DPP10: variants seen among roughly 807,000 people sequenced by gnomAD.
The protein encoded by DPP10 is dipeptidyl peptidase like 10.
Under a neutral mutation model 120.9 loss-of-function variants are expected in DPP10, and 33 were observed. That is an observed-to-expected ratio of 0.27 (90% CI 0.21 to 0.37). DPP10 has a LOEUF of 0.37. Ranked by LOEUF, DPP10 falls within the 10% of genes least tolerant of loss-of-function variation. DPP10 has a pLI of 1.00. For synonymous variants in DPP10, 337 were observed against 326.1 expected (o/e 1.03, Z -0.36); for missense variants, 816 against 942.8 (o/e 0.87, Z 1.76).
chr2:115,565,135 G>C (rs1008775861), intron 5 of DPP10, among the ~76,000 whole-genome samples: 3 of 152,094 alleles, frequency 2.0e-5, no homozygotes, highest in African/African-American at 4.8e-5. Flanking sequence ...AGCTTTGTGC[G>C]TAAGTATGTG....
chr2:115,493,708 G>A (rs2076246423), intron 3 of DPP10, among the ~76,000 whole-genome samples: 1 of 152,128 alleles, frequency 6.6e-6, no homozygotes, highest in Admixed American at 6.6e-5. Flanking sequence ...GAGTTAGGTG[G>A]ATATTAAACA....
rs1192923038 is a variant in DPP10, at chr2:115,256,157, C to G, written c.61-53082C>G. Reference sequence around the variant, plus strand: ...GGCTGGGGAGGCCTCAGGAAACTTACAATCATGATGGAAGGGGAAGCAAAC... The same window carrying G: ...GGCTGGGGAGGCCTCAGGAAACTTAGAATCATGATGGAAGGGGAAGCAAAC... On this transcript the variant is annotated intron_variant, in intron 1 of 25. Coordinates refer to ENST00000410059, the MANE Select transcript of DPP10 (RefSeq NM_020868.6). Among the ~76,000 whole-genome samples the G allele has an allele frequency of 1.3e-5, 2 of 152,222 alleles. 1 individual carries two copies. The highest frequency in any genetic ancestry group is 4.1e-4 in the South Asian group (2 of 4,828).
At chr2:115,333,174 G>A (rs1021168516) in intron 2 of DPP10, among the ~76,000 whole-genome samples, 4 of 152,050 alleles carry the variant, frequency 2.6e-5, no homozygotes, top group Non-Finnish European at 5.9e-5. Context: ...TTACCATTAC[G>A]TAATGGCCTT....
At chr2:115,089,380 G>A (rs1448071222) in intron 1 of DPP10, among the ~76,000 whole-genome samples, 1 of 152,040 alleles carries the variant, frequency 6.6e-6, no homozygotes, top group African/African-American at 2.4e-5. Context: ...ATTTCCAACT[G>A]CAAAATGTCC....
intron 5 of DPP10, among the ~76,000 whole-genome samples, chr2:115,537,619 C>A (rs112303555): frequency 7.5e-6 from 1 of 133,634 alleles, no homozygotes; most frequent in East Asian, 2.4e-4. Context: ...AAAAAACATA[C>A]TTTGGGCAGT....
At chr2:114,878,323 A>G (rs1691320305) in intron 1 of DPP10, among the ~76,000 whole-genome samples, 1 of 152,106 alleles carries the variant, frequency 6.6e-6, no homozygotes, top group Admixed American at 6.6e-5. Flanking sequence ...ATAACTGTAC[A>G]TAGTTATGGG....
At chr2:114,446,150 C>G (rs979086685) in intron 1 of DPP10, among the ~76,000 whole-genome samples, 4 of 152,190 alleles carry the variant, frequency 2.6e-5, no homozygotes, top group Admixed American at 2.6e-4. Flanking sequence ...CCATGGGTAG[C>G]AAACTTGAGT....
chr2:115,151,156 T>C (rs1273200310), intron 1 of DPP10, among the ~76,000 whole-genome samples: 4 of 152,160 alleles, frequency 2.6e-5, no homozygotes, highest in Admixed American at 6.5e-5. Flanking sequence ...ATATTGTCTT[T>C]TCTTGAATGT....
At chr2:114,733,965 C>T (rs1015452890) in intron 1 of DPP10, among the ~76,000 whole-genome samples, 12 of 152,140 alleles carry the variant, frequency 7.9e-5, no homozygotes, top group Non-Finnish European at 1.6e-4. Context: ...TTTATTTGCC[C>T]AAATTTCTAT....
intron 1 of DPP10, among the ~76,000 whole-genome samples, chr2:114,670,198 C>T (rs2105623520): frequency 6.6e-6 from 1 of 152,206 alleles, no homozygotes; most frequent in South Asian, 2.1e-4. Flanking sequence ...ATAAATCATG[C>T]TGCTATAAAG....
At chr2:114,986,384 A>G (rs17355229) in intron 1 of DPP10, among the ~76,000 whole-genome samples, 4,332 of 152,306 alleles carry the variant, frequency 0.028, 93 homozygotes, top group Middle Eastern at 0.054. Context: ...AAAGCTTAGC[A>G]AACTTTGAAG....
At chr2:114,965,271 G>A (rs1197641266) in intron 1 of DPP10, among the ~76,000 whole-genome samples, 1 of 151,998 alleles carries the variant, frequency 6.6e-6, no homozygotes, top group East Asian at 1.9e-4. Context: ...TGAGTAGCTG[G>A]GATTACAGGC....
intron 1 of DPP10, among the ~76,000 whole-genome samples, chr2:115,082,302 T>A (rs1708338669): frequency 6.6e-6 from 1 of 152,186 alleles, no homozygotes. Context: ...AAAACTCCTG[T>A]GGGCTTAAAG....
At chr2:115,649,611 T>C (rs2087571698) in intron 5 of DPP10, among the ~76,000 whole-genome samples, 1 of 152,070 alleles carries the variant, frequency 6.6e-6, no homozygotes, top group East Asian at 1.9e-4. Context: ...GGGGTTAATG[T>C]TTTGTTTCCA....
chr2:114,747,432 A>G (rs955731872), intron 1 of DPP10, among the ~76,000 whole-genome samples: 2 of 152,302 alleles, frequency 1.3e-5, no homozygotes. Context: ...GTCACCTCCA[A>G]TGTACATTTT....
At chr2:115,718,422 G>A (rs1384620148) in intron 7 of DPP10, among the ~76,000 whole-genome samples, 1 of 152,126 alleles carries the variant, frequency 6.6e-6, no homozygotes, top group East Asian at 1.9e-4. Flanking sequence ...TTTTTCTACA[G>A]AACCATGAAA....
rs151205939 is a variant in DPP10 at position 114,612,977 on chromosome 2, G to A, written c.60+170139G>A. ...TATGAGAATACATGAGATATAGGTG[G>A]TTATTAGTATTTGGCATTCACACCC... On this transcript the variant is annotated intron_variant, in intron 1 of 25. Transcript: ENST00000410059. Among the ~76,000 whole-genome samples the A allele has an allele frequency of 4.2e-3, 639 of 152,204 alleles. 4 individuals carry two copies. Among genetic ancestry groups the A allele is most frequent in the African/African-American group, 0.015 (605 of 41,550 alleles).
intron 1 of DPP10, among the ~76,000 whole-genome samples, chr2:115,121,075 C>G (rs747525222): frequency 6.6e-6 from 1 of 152,078 alleles, no homozygotes; most frequent in Non-Finnish European, 1.5e-5. Flanking sequence ...ATTTCTAAAC[C>G]CTTGAGGTAG....
At chr2:115,802,736 C>T (rs536985729) in intron 19 of DPP10, among the ~76,000 whole-genome samples, 2,591 of 151,818 alleles carry the variant, frequency 0.017, 66 homozygotes, top group African/African-American at 0.058. Flanking sequence ...TGTAGTTGAG[C>T]GGTTTTGAGT....
Sources: gnomAD v4.1 joint callset for allele counts (sites outside exome capture counted in the v4.1 genomes callset) on GRCh38, gnomAD v4.1.1 for gene constraint, MANE v1.5 for transcripts, NCBI Gene and HGNC (gene_info 2026-07-23, HGNC 2026-07-21) for gene names.